CSDE1: variants seen among roughly 807,000 people sequenced by gnomAD.
CSDE1 encodes the protein cold shock domain containing E1.
Under a neutral mutation model 89.3 loss-of-function variants are expected in CSDE1, and 17 were observed. That is an observed-to-expected ratio of 0.19 (90% CI 0.13 to 0.29). CSDE1 has a LOEUF of 0.29. CSDE1 is among the 10% of genes least tolerant of loss of function. The pLI, the probability that CSDE1 is intolerant of heterozygous loss-of-function variation, is 1.00. For missense variants in CSDE1, 672 were observed against 984.2 expected (o/e 0.68, Z 4.24); for synonymous variants, 322 against 332.8 (o/e 0.97, Z 0.35).
intron 10 of CSDE1, among the ~76,000 whole-genome samples, chr1:114,732,221 C>A (rs937294710): frequency 6.6e-6 from 1 of 152,050 alleles, no homozygotes; most frequent in Admixed American, 6.6e-5. Context: ...CTGGACCACA[C>A]TGGAGGAAGA....
At position 114,730,539 on chromosome 1, in the gene CSDE1, A is replaced by G. The variant is rs1326506061; in HGVS notation, c.1160T>C (p.Ile387Thr). 1.2e-6 allele frequency: 2 copies of G among 1,614,144 alleles called. No homozygotes were observed. The highest frequency in any genetic ancestry group is 2.2e-5 in the East Asian group (1 of 44,872). The change falls in exon 11 of 20, where the codon ATT becomes ACT. Residue 387 changes from isoleucine (I) to threonine (T), a missense_variant. Transcript: ENST00000358528. ...SEILDGNQLH[I>T]ADEVEFTVVP... ...CACAGTAAACTCTACTTCATCTGCA[A>G]TATGGAGCTGGTTCCCATCCAGAAT...
intron 1 of CSDE1, among the ~76,000 whole-genome samples, chr1:114,756,312 T>G (rs1474677680): frequency 6.6e-6 from 1 of 152,168 alleles, no homozygotes; most frequent in African/African-American, 2.4e-5. Context: ...TTTATTTTAG[T>G]CCCAGGGCTA....
chr1:114,748,482 A>C (rs1476924640), intron 2 of CSDE1: 2 of 152,258 alleles, frequency 1.3e-5, no homozygotes, highest in Admixed American at 1.3e-4. Flanking sequence ...ACTGTTCAAT[A>C]TTCCATACTA....
At chr1:114,735,774 T>C (rs887278820) in intron 6 of CSDE1, among the ~76,000 whole-genome samples, 1 of 148,132 alleles carries the variant, frequency 6.8e-6, no homozygotes, top group Non-Finnish European at 1.5e-5. Flanking sequence ...ATCTCTCCTA[T>C]GCCAAGATAA....
intron 2 of CSDE1, among the ~76,000 whole-genome samples, chr1:114,744,927 G>A (rs924358422): frequency 6.6e-6 from 1 of 152,052 alleles, no homozygotes; most frequent in Non-Finnish European, 1.5e-5. Flanking sequence ...TTGAATTACT[G>A]ATTAAGTGAG....
At chr1:114,725,063 C>T (rs1174481791) in intron 15 of CSDE1, among the ~76,000 whole-genome samples, 158 bp downstream of exon 15, 12 of 152,152 alleles carry the variant, frequency 7.9e-5, no homozygotes, top group Non-Finnish European at 2.9e-5. Context: ...GGTCAGAGAA[C>T]GTATATTTCT....
intron 1 of CSDE1, among the ~76,000 whole-genome samples, chr1:114,750,731 G>C (rs1309842017): frequency 1.3e-5 from 2 of 152,172 alleles, no homozygotes; most frequent in Non-Finnish European, 2.9e-5. Flanking sequence ...AGCAACCAAG[G>C]CTTTTAAATA....
In CSDE1 at chr1:114,720,259, C is replaced by T. The variant is rs990978632; in HGVS notation, c.2052+280G>A. On this transcript the variant is annotated intron_variant, in intron 17 of 19. Coordinates refer to ENST00000358528, the MANE Select transcript of CSDE1 (RefSeq NM_001007553.3). ...AAGCTCTAAGCAAAAGTGTACAAAA[C>T]CATATAGTCCTTCTATTCTGGAAAT... 9.5e-6 allele frequency: 3 copies of T among 315,960 alleles called. No individual in the cohort carries two copies. The South Asian group carries it at 2.1e-4, about 22-fold the overall frequency. The allele number at this position is 315,960 out of a possible 1,614,324, so 19.6% of individuals were successfully genotyped here.
chr1:114,725,917 G>A (rs1659768057), intron 14 of CSDE1, among the ~76,000 whole-genome samples: 1 of 152,156 alleles, frequency 6.6e-6, no homozygotes, highest in Non-Finnish European at 1.5e-5. Context: ...TTATAGGCAT[G>A]AGCCACCACA....
At chr1:114,731,027 T>C (rs1660069314) in intron 10 of CSDE1, among the ~76,000 whole-genome samples, 1 of 152,144 alleles carries the variant, frequency 6.6e-6, no homozygotes, top group African/African-American at 2.4e-5. Context: ...CTCCAGTCTC[T>C]ACCTCAAAAA....
At chr1:114,723,671 T>C (rs1424354002) in intron 16 of CSDE1, among the ~76,000 whole-genome samples, 1 of 152,214 alleles carries the variant, frequency 6.6e-6, no homozygotes, top group East Asian at 1.9e-4. Flanking sequence ...AGTCATGTGC[T>C]CACAAAGCAG....
rs1660414220 is a variant in CSDE1, at chr1:114,736,593, G to C, written c.500+165C>G. On this transcript the variant is annotated intron_variant, in intron 6 of 19. Coordinates refer to ENST00000358528, the MANE Select transcript of CSDE1 (RefSeq NM_001007553.3). ...TCTTCCTCTGAGACCCTGCATCATG[G>C]CTGTAATACAATATTCATAGACCTC... is the stretch of plus-strand genomic sequence containing the variant. 1.4e-5 allele frequency among the ~76,000 whole-genome samples: 2 copies of C among 147,104 alleles called. 1 individual carries two copies. Among genetic ancestry groups the C allele is most frequent in the Middle Eastern group, 6.4e-3 (2 of 312 alleles).
chr1:114,721,286 T>C (rs1280265578), intron 16 of CSDE1, among the ~76,000 whole-genome samples: 2 of 152,156 alleles, frequency 1.3e-5, no homozygotes, highest in African/African-American at 4.8e-5. Context: ...TTGCAAGTCA[T>C]CCTGTCTAAC....
Position 114,718,735 on chromosome 1 carries a change from T to G in CSDE1, c.2227A>C (p.Lys743Gln). The G allele has an allele frequency of 6.2e-7, 1 of 1,614,002 alleles. No individual in the cohort carries two copies. The highest frequency in any genetic ancestry group is 1.3e-5 in the African/African-American group (1 of 75,018). ...TCAGGTCGAGGAGCTGCAACAGCCT[T>G]GGGGCCCTCACTGTAATTAAGTCAA... Reference protein sequence around the residue: ...CNVWRVCEGPKAVAAPRPDRL... With the variant: ...CNVWRVCEGPQAVAAPRPDRL... Residue 743 changes from lysine (K) to glutamine (Q), a missense_variant, in exon 19 of 20, where the codon AAG (lysine) becomes CAG (glutamine). Physicochemically the swap from Lys to Gln is moderately conservative, Grantham distance 53. This residue lies in a region of CSDE1 where 206 missense variants were observed against 332.4 expected (regional missense o/e 0.62). Transcript: ENST00000358528.
chr1:114,735,230 A>T (rs573515305), intron 6 of CSDE1, among the ~76,000 whole-genome samples: 1 of 152,238 alleles, frequency 6.6e-6, no homozygotes, highest in South Asian at 2.1e-4. Flanking sequence ...CATAGACTGT[A>T]TAAGACATAA....
intron 12 of CSDE1, among the ~76,000 whole-genome samples, chr1:114,729,514 CAAAAAA>C (rs66566286): frequency 7.9e-6 from 1 of 127,238 alleles, no homozygotes; most frequent in Non-Finnish European, 1.7e-5. Context: ...CACACAAAAC[CAAAAAA>C]AAAAAAAAAA....
At chr1:114,737,656 A>T (rs1297440180) in intron 4 of CSDE1, 93 bp from the exon 5 acceptor site, 3 of 896,734 alleles carry the variant, frequency 3.3e-6, no homozygotes, top group African/African-American at 3.4e-5. Context: ...TCTATACTAT[A>T]TACAGGGATG....
chr1:114,719,797 G>A, intron 17 of CSDE1, 55 bp from the exon 18 acceptor site: 1 of 1,505,006 alleles, frequency 6.6e-7, no homozygotes, highest in Non-Finnish European at 9.1e-7. Context: ...CACTCTGAAT[G>A]AAGCACAATG....
intron 2 of CSDE1, chr1:114,746,480 T>C (rs1661015074): frequency 6.6e-6 from 1 of 152,174 alleles, no homozygotes; most frequent in Non-Finnish European, 1.5e-5. Flanking sequence ...TATTCCAATT[T>C]GGTGACTAAT....
Sources: allele counts gnomAD v4.1 joint callset (sites outside exome capture counted in the v4.1 genomes callset), GRCh38; gene constraint gnomAD v4.1.1; regional missense constraint gnomAD v4.1.1; transcripts MANE v1.5; gene names NCBI Gene and HGNC (gene_info 2026-07-23, HGNC 2026-07-21).